The following TPD52L2 variants were observed in gnomAD, a reference collection of about 807,000 sequenced individuals.
TPD52L2 encodes tumor protein D54.
In TPD52L2, 19 loss-of-function variants were observed where a neutral mutation model predicts 24.7. The ratio of observed to expected loss-of-function variants is 0.77; its 90% confidence interval spans 0.54 to 1.13. The LOEUF (loss-of-function observed/expected upper bound fraction) is 1.13, where lower values mean the gene tolerates loss of function less well. Among genes scored for constraint, TPD52L2 ranks in the 50% most tolerant of loss-of-function variants. The pLI is 0.00. For missense variants in TPD52L2, 236 were observed against 250.4 expected, an observed-to-expected ratio of 0.94 and a Z score of 0.39; for synonymous variants, 104 against 100.2, an observed-to-expected ratio of 1.04 and a Z score of -0.23.
intron 2 of TPD52L2, among the ~76,000 whole-genome samples, chr20:63,873,218 G>C (rs1049258855): frequency 1.3e-5 from 2 of 152,068 alleles, no homozygotes; most frequent in East Asian, 3.9e-4. Context: ...GGCTGGGCGC[G>C]GTGGCTCACG....
chr20:63,875,817 T>C lies in TPD52L2; in HGVS notation c.316T>C (p.Tyr106His), dbSNP rs759401660. 8 of 1,614,026 alleles carry C rather than the reference T, an allele frequency of 5.0e-6. No homozygotes were observed. Among genetic ancestry groups the C allele is most frequent in the Middle Eastern group, 1.6e-4 (1 of 6,082 alleles). Residue 106 changes from tyrosine to histidine, a missense_variant and splice_region_variant, in exon 4 of 7, where the codon TAT becomes CAT. By Grantham distance (83) the Tyr-to-His change is moderately conservative (BLOSUM62 2). Coordinates refer to ENST00000346249, the MANE Select transcript of TPD52L2 (RefSeq NM_003288.4). ...TCACTGTAGACTTTCTGTTTTTAGCTATGTGAAAACTTCTGAGAAACTTGG... is the reference window on the plus strand; with the variant it reads ...TCACTGTAGACTTTCTGTTTTTAGCCATGTGAAAACTTCTGAGAAACTTGG... ...SWHDVQVSSA[Y>H]VKTSEKLGEW...
intron 4 of TPD52L2, chr20:63,876,701 T>G (rs1237807822): frequency 2.2e-6 from 1 of 448,744 alleles, no homozygotes; most frequent in Non-Finnish European, 4.5e-6. Flanking sequence ...GAGCTTGTCT[T>G]GAAGGTCCTG....
chr20:63,866,885 C>T (rs898866815), intron 1 of TPD52L2, among the ~76,000 whole-genome samples: 1 of 151,310 alleles, frequency 6.6e-6, no homozygotes, highest in Non-Finnish European at 1.5e-5. Flanking sequence ...GATCTTCCTG[C>T]GTCAGCCTCC....
chr20:63,871,081 C>T (rs1600789273), intron 2 of TPD52L2, among the ~76,000 whole-genome samples: 1 of 152,058 alleles, frequency 6.6e-6, no homozygotes, highest in African/African-American at 2.4e-5. Flanking sequence ...CTTGCTCTGT[C>T]GCCCAGGCTA....
chr20:63,889,199 G>A lies in TPD52L2; in HGVS notation c.486G>A (p.Ala162=), dbSNP rs1186812586. 4 of 1,613,350 alleles carry A rather than the reference G, an allele frequency of 2.5e-6. No individual in the cohort carries two copies. The highest frequency in any genetic ancestry group is 3.4e-6 in the Non-Finnish European group (4 of 1,179,762). The change falls in exon 6 of 7, where the codon GCG becomes GCA. Residue 162 remains alanine (A), a synonymous_variant. Coordinates refer to ENST00000346249, the MANE Select transcript of TPD52L2 (RefSeq NM_003288.4). Reference sequence around the variant, plus strand: ...CCCTCTCTCTTTAAAGGAACTCTGCGACCTTCAAGTCGTTTGAGGACCGAG... The same window carrying A: ...CCCTCTCTCTTTAAAGGAACTCTGCAACCTTCAAGTCGTTTGAGGACCGAG... ...SRKLGDMRNS[A]TFKSFEDRVG...
intron 5 of TPD52L2, among the ~76,000 whole-genome samples, chr20:63,885,358 A>C (rs559951950): frequency 6.6e-6 from 1 of 152,108 alleles, no homozygotes; most frequent in Non-Finnish European, 1.5e-5. Flanking sequence ...CCCTCTCAGG[A>C]CCTCGGGCGA....
chr20:63,876,226 T>A (rs1194112580), intron 4 of TPD52L2, among the ~76,000 whole-genome samples: 1 of 152,190 alleles, frequency 6.6e-6, no homozygotes, highest in African/African-American at 2.4e-5. Context: ...TTGGCCTGGG[T>A]TTGTTGGTGG....
At chr20:63,869,248 TGGA>T (rs2052371385) in intron 1 of TPD52L2, 45 bp from the exon 2 acceptor site, 1 of 1,609,484 alleles carries the variant, frequency 6.2e-7, no homozygotes, top group South Asian at 1.1e-5. Flanking sequence ...CGTATTTACT[TGGA>T]ACTAACTTAT....
chr20:63,885,212 G>T (rs151252991), intron 5 of TPD52L2, among the ~76,000 whole-genome samples: 1 of 152,246 alleles, frequency 6.6e-6, no homozygotes, highest in Non-Finnish European at 1.5e-5. Flanking sequence ...GGGCAGCCCC[G>T]GTCTGTGAGG....
intron 3 of TPD52L2, among the ~76,000 whole-genome samples, chr20:63,874,284 G>A (rs1020059185): frequency 6.7e-6 from 1 of 149,508 alleles, no homozygotes; most frequent in African/African-American, 2.5e-5. Flanking sequence ...GTTTCACCAT[G>A]TTGGCCAGGC....
At chr20:63,870,453 C>T (rs554327018) in intron 2 of TPD52L2, among the ~76,000 whole-genome samples, 1 of 149,328 alleles carries the variant, frequency 6.7e-6, no homozygotes, top group East Asian at 2.0e-4. Context: ...CATTTAACTT[C>T]AGAATATGTG....
rs1418950482 is a variant in TPD52L2 at position 63,873,766 on chromosome 20, G to A, written c.264G>A (p.Glu88=). 3.1e-6 allele frequency: 5 copies of A among 1,598,614 alleles called. No homozygotes were observed. Among genetic ancestry groups the A allele is most frequent in the Non-Finnish European group, 4.3e-6 (5 of 1,173,784 alleles). The change falls in exon 3 of 7, where the codon GAG becomes GAA. Residue 88 remains glutamate (E), a synonymous_variant. Coordinates refer to ENST00000346249, the MANE Select transcript of TPD52L2 (RefSeq NM_003288.4). The part of the protein sequence containing the change: ...KRRLGLSTLG[E]LKQNLSRSWH... ...GGCTGGGCCTCTCCACCCTGGGGGA[G>A]CTGAAACAGAACCTGTCCAGGAGCT... is the stretch of plus-strand genomic sequence containing the variant.
At chr20:63,873,882 T>A in intron 3 of TPD52L2, 66 bp downstream of exon 3, 1 of 1,409,450 alleles carries the variant, frequency 7.1e-7, no homozygotes, top group Non-Finnish European at 9.3e-7. Flanking sequence ...TGCCCCGGCA[T>A]GTGGGGGGGC....
Position 63,883,734 on chromosome 20 carries a change from C to A in TPD52L2, c.476+914C>A, listed in dbSNP as rs146752498. Among the ~76,000 whole-genome samples the A allele has an allele frequency of 3.6e-3, 546 of 152,210 alleles. 7 individuals carry two copies. The highest frequency in any genetic ancestry group is 0.013 in the African/African-American group (527 of 41,520). On this transcript the variant is annotated intron_variant, in intron 5 of 6. Transcript: ENST00000346249. ...CTTCCTAAAGGACCGGTGTGTGGAG[C>A]ACAGTGCTGACCCCACCCAGCCCTC... is the stretch of plus-strand genomic sequence containing the variant.
At chr20:63,882,968 G>A in intron 5 of TPD52L2, 148 bp downstream of exon 5, 1 of 638,604 alleles carries the variant, frequency 1.6e-6, no homozygotes, top group Non-Finnish European at 2.7e-6. Flanking sequence ...CGACCAGTCT[G>A]TGTGCAGACC....
Position 63,877,140 on chromosome 20 carries a change from C to T in TPD52L2, c.374+1265C>T, listed in dbSNP as rs1403683128. Reference sequence around the variant, plus strand: ...TCCCGGGTTCACACCATTCTCCTGCCTCAGCCTCCCCAGTAGCTGGGACTA... The same window carrying T: ...TCCCGGGTTCACACCATTCTCCTGCTTCAGCCTCCCCAGTAGCTGGGACTA... On this transcript the variant is annotated intron_variant, in intron 4 of 6. Transcript: ENST00000346249. The surrounding 1 kb of genome is among the most constrained non-coding windows in gnomAD (Gnocchi z 4.1). 2.7e-6 allele frequency: 1 copy of T among 363,884 alleles called. No homozygotes were observed. Among genetic ancestry groups the T allele is most frequent in the Non-Finnish European group, 5.4e-6 (1 of 184,760 alleles). 22.5% of individuals were successfully genotyped at this position (363,884 alleles called of 1,614,324 possible). A position where few individuals can be genotyped will look rare whatever the true frequency, so the allele number is the denominator to read the frequency against.
At chr20:63,869,205 C>T in intron 1 of TPD52L2, 91 bp from the exon 2 acceptor site, 1 of 1,481,272 alleles carries the variant, frequency 6.8e-7, no homozygotes, top group Non-Finnish European at 9.4e-7. Context: ...CACCCACTCC[C>T]ACCTGTGCTT....
intron 5 of TPD52L2, chr20:63,887,913 A>C: frequency 2.1e-6 from 1 of 478,072 alleles, no homozygotes; most frequent in East Asian, 4.0e-5. Context: ...AGGGGCTCGC[A>C]CACAGATCCT....
rs2053294377 is a variant in TPD52L2 at position 63,890,733 on chromosome 20, C to G, written c.*788C>G. On this transcript the variant is annotated 3_prime_UTR_variant, in exon 7 of 7. Transcript: ENST00000346249. ...TTTTACACCTGGCCTGCGTGGCAGCCTCTTCCAGTTGAGGTGTTTTATGTC... is the reference window on the plus strand; with the variant it reads ...TTTTACACCTGGCCTGCGTGGCAGCGTCTTCCAGTTGAGGTGTTTTATGTC... 6.6e-6 allele frequency: 1 copy of G among 152,520 alleles called. No individual in the cohort carries two copies. Among genetic ancestry groups the G allele is most frequent in the Non-Finnish European group, 1.5e-5 (1 of 68,054 alleles). 9.4% of individuals were successfully genotyped at this position (152,520 alleles called of 1,614,324 possible).
Sources: gnomAD v4.1 joint callset for allele counts (sites outside exome capture counted in the v4.1 genomes callset) on GRCh38, gnomAD v4.1.1 for gene constraint, Gnocchi (gnomAD v3.1) non-coding constraint, MANE v1.5 for transcripts, NCBI Gene and HGNC (gene_info 2026-07-23, HGNC 2026-07-21) for gene names.